Variants in ZZEF1 observed in about 807,000 individuals in gnomAD.
ZZEF1 encodes the protein zinc finger ZZ-type and EF-hand domain-containing protein 1.
Under a neutral mutation model 342.8 loss-of-function variants are expected in ZZEF1, and 157 were observed. The observed-to-expected ratio is 0.46, with a 90% CI of 0.40 to 0.52. The LOEUF (loss-of-function observed/expected upper bound fraction) is 0.52, where lower values mean the gene tolerates loss of function less well. Ranked by LOEUF, ZZEF1 falls within the 20% of genes least tolerant of loss-of-function variation. The pLI is 0.00. For missense variants in ZZEF1, 3,480 were observed against 3,725.6 expected, an observed-to-expected ratio of 0.93 and a Z score of 1.72; for synonymous variants, 1,505 against 1,429.1, an observed-to-expected ratio of 1.05 and a Z score of -1.20.
At chr17:4,042,612 A>C in intron 38 of ZZEF1, 44 bp from the exon 39 acceptor site, 1 of 1,595,030 alleles carries the variant, frequency 6.3e-7, no homozygotes, top group East Asian at 2.2e-5. Context: ...GCATCTCCAC[A>C]TGTATGAAGA....
At chr17:4,025,747 C>T (rs1418685810) in intron 42 of ZZEF1, among the ~76,000 whole-genome samples, 3 of 151,658 alleles carry the variant, frequency 2.0e-5, no homozygotes, top group African/African-American at 7.3e-5. Flanking sequence ...ACAAGAGAGA[C>T]TGGATTTACT....
At chr17:4,088,639 T>C in intron 13 of ZZEF1, 39 bp downstream of exon 13, 3 of 1,602,604 alleles carry the variant, frequency 1.9e-6, no homozygotes, top group Non-Finnish European at 2.6e-6. Context: ...CATTCACTTT[T>C]CCTAAAGGAA....
chr17:4,099,638 C>T (rs747004868), intron 9 of ZZEF1, among the ~76,000 whole-genome samples: 5 of 151,686 alleles, frequency 3.3e-5, no homozygotes, highest in South Asian at 2.1e-4. Flanking sequence ...CTCCGCCTCC[C>T]GGGTTCAAGC....
Position 4,016,218 on chromosome 17 carries a change from G to A in ZZEF1, c.8145+105C>T. 4 of 1,387,866 alleles carry A rather than the reference G, an allele frequency of 2.9e-6. No homozygotes were observed. Among genetic ancestry groups the A allele is most frequent in the Non-Finnish European group, 3.9e-6 (4 of 1,022,158 alleles). 86.0% of individuals were successfully genotyped at this position (1,387,866 alleles called of 1,614,324 possible). On this transcript the variant is annotated intron_variant, in intron 49 of 54. Transcript: ENST00000381638. The surrounding 1 kb of genome is among the most constrained non-coding windows in gnomAD (Gnocchi z 4.4). ...TGGACAGGTCTCTGCTGTCCAGCGG[G>A]AGAGAGCCACAGAGGGGCTGAGCAT...
chr17:4,124,159 G>A, intron 1 of ZZEF1, 108 bp from the exon 2 acceptor site: 1 of 1,378,334 alleles, frequency 7.3e-7, no homozygotes, highest in Non-Finnish European at 9.6e-7. Flanking sequence ...TTTATTTTTG[G>A]TTGCAGAGAG....
chr17:4,129,420 C>T (rs1452856438), intron 1 of ZZEF1, among the ~76,000 whole-genome samples: 3 of 152,216 alleles, frequency 2.0e-5, no homozygotes, highest in Non-Finnish European at 4.4e-5. Flanking sequence ...CATAAAGACA[C>T]ATACACACAA....
chr17:4,070,055 G>A (rs937556475), intron 26 of ZZEF1, among the ~76,000 whole-genome samples: 3 of 152,136 alleles, frequency 2.0e-5, no homozygotes, highest in South Asian at 2.1e-4. Context: ...CCTGCTAGGC[G>A]GCAGGGAAGC....
At chr17:4,010,423 A>G (rs1361282773) in intron 52 of ZZEF1, among the ~76,000 whole-genome samples, 2 of 151,950 alleles carry the variant, frequency 1.3e-5, no homozygotes, top group African/African-American at 4.8e-5. Flanking sequence ...ATATTAAATG[A>G]AAAAAAGCAA....
intron 29 of ZZEF1, among the ~76,000 whole-genome samples, chr17:4,064,065 G>T (rs8066146): frequency 1.3e-4 from 16 of 126,258 alleles, no homozygotes; most frequent in East Asian, 4.6e-4. Flanking sequence ...GTAGATGGAG[G>T]GGGGGGGGTC....
intron 42 of ZZEF1, among the ~76,000 whole-genome samples, chr17:4,027,443 C>T (rs1004617722): frequency 1.5e-4 from 23 of 151,458 alleles, no homozygotes; most frequent in African/African-American, 5.3e-4. Context: ...TACAGGCGCA[C>T]ACCACCACGT....
In ZZEF1 at chr17:4,016,986, T is replaced by A. The variant is rs2056120618; in HGVS notation, c.8001+385A>T. 4.9e-6 allele frequency: 1 copy of A among 204,316 alleles called. No individual in the cohort carries two copies. The highest frequency in any genetic ancestry group is 5.3e-5 in the Admixed American group (1 of 18,978). The allele number at this position is 204,316 out of a possible 1,614,324, so 12.7% of individuals were successfully genotyped here. On this transcript the variant is annotated intron_variant, in intron 48 of 54. Transcript: ENST00000381638. This position sits in a 1 kb window ranked among gnomAD's most constrained non-coding sequence, Gnocchi z 4.4. The stretch of plus-strand genomic sequence containing the variant: ...GCAAGGCCGGGAAAAGACCTCGAGG[T>A]CTGGTGGTGTTCTCAGATGGACAAA...
In ZZEF1 at chr17:4,124,104, A is replaced by G. The variant is rs970404399; in HGVS notation, c.355-53T>C. ...AGGGCTGTTTCAAGTAAACGAGGGC[A>G]GTTTCAAGTTTCTTTTATTTAAAAT... On this transcript the variant is annotated intron_variant, in intron 1 of 54. Coordinates refer to ENST00000381638, the MANE Select transcript of ZZEF1 (RefSeq NM_015113.4). 3.3e-6 allele frequency: 5 copies of G among 1,519,684 alleles called. No homozygotes were observed. In the African/African-American group the frequency reaches 7.0e-5, roughly 21 times the overall value. 94.1% of individuals were successfully genotyped at this position (1,519,684 alleles called of 1,614,324 possible).
rs780751246 is a variant in ZZEF1 at position 4,067,247 on chromosome 17, G to A, written c.4076-5C>T. 9 of 1,610,578 alleles carry A rather than the reference G, an allele frequency of 5.6e-6. No individual in the cohort carries two copies. The East Asian group carries it at 1.8e-4, about 32-fold the overall frequency. ...CTATTTTGCCCCCACTGTTGACTGGGGAGAGAAGCAGAGATGGAGATTACA... is the reference window on the plus strand; with the variant it reads ...CTATTTTGCCCCCACTGTTGACTGGAGAGAGAAGCAGAGATGGAGATTACA... On this transcript the variant is annotated splice_region_variant and splice_polypyrimidine_tract_variant and intron_variant, in intron 26 of 54. Transcript: ENST00000381638.
intron 32 of ZZEF1, chr17:4,056,897 C>T (rs1420256824): frequency 2.0e-5 from 3 of 152,084 alleles, no homozygotes; most frequent in Non-Finnish European, 4.4e-5. Flanking sequence ...AAATAAAGCG[C>T]TTCAGGTAGA....
chr17:4,058,442 G>T (rs559858938), intron 31 of ZZEF1, among the ~76,000 whole-genome samples: 2 of 152,342 alleles, frequency 1.3e-5, no homozygotes, highest in South Asian at 4.1e-4. Context: ...TAAACTGCAA[G>T]ATCAGGGCCA....
In ZZEF1 at chr17:4,077,998, A is replaced by G. The variant is rs560410150; in HGVS notation, c.2874T>C (p.Ser958=). The G allele has an allele frequency of 4.3e-6, 7 of 1,614,162 alleles. No homozygotes were observed. The Admixed American group carries it at 1.2e-4, about 27-fold the overall frequency. ...CGGACCAGAACAGGGAGAAGAGCAC[A>G]GAGCCCACCTCCCCTGGGGCCCCAC... ...MLSGAPGEVG[S]VLFSLFWSVQ... The change falls in exon 19 of 55, where the codon TCT becomes TCC. Residue 958 remains serine, a synonymous_variant. Coordinates refer to ENST00000381638, the MANE Select transcript of ZZEF1 (RefSeq NM_015113.4).
chr17:4,090,943 C>A, intron 11 of ZZEF1, 113 bp from the exon 12 acceptor site: 1 of 756,188 alleles, frequency 1.3e-6, no homozygotes, highest in South Asian at 1.6e-5. Flanking sequence ...TGTCAGTGAA[C>A]AATCGAGAGC....
Position 4,017,786 on chromosome 17 carries a change from G to C in ZZEF1, c.7641+50C>G, listed in dbSNP as rs1385016180. Reference sequence around the variant, plus strand: ...CTAGCCTTCTTACAGTGGTGGTATGGGGTGGGGGATGGGGTGCAGATACTT... The same window carrying C: ...CTAGCCTTCTTACAGTGGTGGTATGCGGTGGGGGATGGGGTGCAGATACTT... On this transcript the variant is annotated intron_variant, in intron 47 of 54. Transcript: ENST00000381638. This position sits in a 1 kb window ranked among gnomAD's most constrained non-coding sequence, Gnocchi z 5.1. 6.2e-7 allele frequency: 1 copy of C among 1,613,750 alleles called. No homozygotes were observed. The highest frequency in any genetic ancestry group is 8.5e-7 in the Non-Finnish European group (1 of 1,179,882).
chr17:4,007,984 G>A (rs911247695), intron 54 of ZZEF1, among the ~76,000 whole-genome samples: 3 of 151,960 alleles, frequency 2.0e-5, no homozygotes, highest in East Asian at 1.9e-4. Flanking sequence ...GGCCACACAC[G>A]CGATGATATT....
Sources: allele counts gnomAD v4.1 joint callset (sites outside exome capture counted in the v4.1 genomes callset), GRCh38; gene constraint gnomAD v4.1.1; non-coding constraint Gnocchi (gnomAD v3.1); transcripts MANE v1.5; gene names NCBI Gene and HGNC (gene_info 2026-07-23, HGNC 2026-07-21).